Variants in IRF3 observed in about 807,000 individuals in gnomAD.
IRF3 encodes the protein interferon regulatory factor 3.
A neutral mutation model predicts 43.2 loss-of-function variants in IRF3; 29 were observed. That is an observed-to-expected ratio of 0.67 (90% CI 0.50 to 0.91). The LOEUF (loss-of-function observed/expected upper bound fraction) is 0.91. IRF3 is among the 40% of genes least tolerant of loss of function. IRF3 has a pLI of 0.00. For missense variants in IRF3, 505 were observed against 559.1 expected, an observed-to-expected ratio of 0.90 and a Z score of 0.98; for synonymous variants, 228 against 233.9, an observed-to-expected ratio of 0.97 and a Z score of 0.23.
chr19:49,661,172 G>A (rs1181287902), intron 6 of IRF3, among the ~76,000 whole-genome samples: 1 of 152,220 alleles, frequency 6.6e-6, no homozygotes, highest in Non-Finnish European at 1.5e-5. Context: ...CATTAGTCAT[G>A]TAAGGTTATT....
chr19:49,664,681 AT>A lies in IRF3; in HGVS notation c.157del (p.Ile53SerfsTer40). 1 of 1,613,448 alleles carries A rather than the reference AT, an allele frequency of 6.2e-7. No individual in the cohort carries two copies. Among genetic ancestry groups the A allele is most frequent in the Non-Finnish European group, 8.5e-7 (1 of 1,179,570 alleles). ...RQDAQQEDFG[I>X]FQAWAEATGA... Reference sequence around the variant, plus strand: ...CCAGGTCGTCGCACGCACCTGGAAGATTCCGAAATCCTCCTGCTGTGCATCC... The same window carrying A: ...CCAGGTCGTCGCACGCACCTGGAAGATCCGAAATCCTCCTGCTGTGCATCC... On this transcript the variant is annotated frameshift_variant, in exon 2 of 8. Transcript: ENST00000377139. LOFTEE classifies it high-confidence loss of function.
intron 2 of IRF3, 130 bp from the exon 3 acceptor site, chr19:49,663,644 CCCCAAATCCCCCCGT>C (rs1391125062): frequency 1.2e-6 from 1 of 804,014 alleles, no homozygotes; most frequent in Non-Finnish European, 1.9e-6. Context: ...CAAGGTCCAT[CCCCAAATCCCCCCGT>C]CCCACCTACC....
At chr19:49,659,880 G>A (rs752301314) in intron 7 of IRF3, 47 bp from the exon 8 acceptor site, 3 of 1,536,002 alleles carry the variant, frequency 2.0e-6, no homozygotes, top group Non-Finnish European at 2.6e-6. Flanking sequence ...CCCAGCCACT[G>A]TCCACCAAGG....
chr19:49,664,586 C>G, intron 2 of IRF3, 88 bp downstream of exon 2: 3 of 1,610,118 alleles, frequency 1.9e-6, no homozygotes, highest in Non-Finnish European at 2.5e-6. Context: ...TCGCGCGCCA[C>G]CTCCGCCTTC....
At position 49,665,658 on chromosome 19, in the gene IRF3, C is replaced by G. The variant is rs1245357007; in HGVS notation, c.-36G>C. On this transcript the variant is annotated 5_prime_UTR_variant, in exon 1 of 8. Coordinates refer to ENST00000377139, the MANE Select transcript of IRF3 (RefSeq NM_001571.6). ...ACGATGGAAGGTCGGGGCGTGCGGG[C>G]AGCTGGAACCCACCCCTGTCTTGGA... The G allele has an allele frequency of 2.3e-6, 2 of 879,418 alleles. No individual in the cohort carries two copies. The highest frequency in any genetic ancestry group is 5.1e-5 in the East Asian group (2 of 39,138). 54.5% of individuals were successfully genotyped at this position (879,418 alleles called of 1,614,324 possible).
In IRF3 at chr19:49,662,633, A is replaced by C. The variant is rs1183739203; in HGVS notation, c.409-16T>G. The C allele has an allele frequency of 3.9e-6, 6 of 1,525,616 alleles. No individual in the cohort carries two copies. In the Admixed American group the frequency reaches 1.2e-4, roughly 30 times the overall value. 94.5% of individuals were successfully genotyped at this position (1,525,616 alleles called of 1,614,324 possible). A position where few individuals can be genotyped will look rare whatever the true frequency, so the allele number is the denominator to read the frequency against. On this transcript the variant is annotated splice_polypyrimidine_tract_variant and intron_variant, in intron 4 of 7. Transcript: ENST00000377139. The stretch of plus-strand genomic sequence containing the variant: ...GAATGTCTTCCTGGAGGGAAACAAA[A>C]AAAGAGAATCAGGCATTTCCATATC...
rs199714714 is a variant in IRF3 at position 49,659,768 on chromosome 19, C to A, written c.1164G>T (p.Glu388Asp). The stretch of plus-strand genomic sequence containing the variant: ...TGGAAATGTGCAGGTCCACAGTATT[C>A]TCCAGGGAGGAGGCACCCCCTACCC... ...MARVGGASSL[E>D]NTVDLHISNS... Residue 388 changes from glutamate (E) to aspartate (D), a missense_variant, in exon 8 of 8, where the codon GAG (glutamate) becomes GAT (aspartate). Coordinates refer to ENST00000377139, the MANE Select transcript of IRF3 (RefSeq NM_001571.6). 1 of 1,613,348 alleles carries A rather than the reference C, an allele frequency of 6.2e-7. No homozygotes were observed. Among genetic ancestry groups the A allele is most frequent in the East Asian group, 2.2e-5 (1 of 44,856 alleles).
chr19:49,663,924 G>C (rs1429367962), intron 2 of IRF3: 2 of 235,108 alleles, frequency 8.5e-6, no homozygotes, highest in Non-Finnish European at 1.7e-5. Flanking sequence ...TTGAACTCCT[G>C]ACCTCAGGTG....
At chr19:49,663,595 C>T in intron 2 of IRF3, 81 bp from the exon 3 acceptor site, 1 of 1,342,064 alleles carries the variant, frequency 7.5e-7, no homozygotes, top group African/African-American at 1.4e-5. Context: ...TCTCCCGAGT[C>T]CTAACACCAC....
intron 7 of IRF3, 138 bp from the exon 8 acceptor site, chr19:49,659,971 G>A: frequency 2.0e-6 from 1 of 498,106 alleles, no homozygotes; most frequent in Non-Finnish European, 3.1e-6. Context: ...AGGGCTGCTG[G>A]GAGTTGTAGT....
intron 6 of IRF3, chr19:49,661,074 G>A (rs2081306485): frequency 5.9e-6 from 3 of 506,118 alleles, no homozygotes; most frequent in Non-Finnish European, 1.1e-5. Context: ...CCCAGAGTAG[G>A]GGGCCCATGC....
rs1341395213 is a variant in IRF3, at chr19:49,659,783, A to G, written c.1149T>C (p.Gly383=). 1.9e-6 allele frequency: 3 copies of G among 1,610,718 alleles called. No individual in the cohort carries two copies. The highest frequency in any genetic ancestry group is 3.3e-5 in the Admixed American group (2 of 59,714). Reference sequence around the variant, plus strand: ...CCACAGTATTCTCCAGGGAGGAGGCACCCCCTACCCGGGCCATTTCTACCA... The same window carrying G: ...CCACAGTATTCTCCAGGGAGGAGGCGCCCCCTACCCGGGCCATTTCTACCA... ...RALVEMARVG[G]ASSLENTVDL... Residue 383 remains glycine (G), a synonymous_variant, in exon 8 of 8, where the codon GGT becomes GGC. Coordinates refer to ENST00000377139, the MANE Select transcript of IRF3 (RefSeq NM_001571.6).
chr19:49,665,197 A>G (rs1207297989), intron 1 of IRF3: 1 of 256,124 alleles, frequency 3.9e-6, no homozygotes, highest in Non-Finnish European at 7.7e-6. Context: ...ATTTCAGTGC[A>G]GAATCGATTC....
intron 1 of IRF3, 86 bp from the exon 2 acceptor site, chr19:49,664,932 A>C: frequency 8.0e-6 from 11 of 1,379,238 alleles, no homozygotes; most frequent in Non-Finnish European, 9.7e-6. Flanking sequence ...CCTCCTTCTC[A>C]CGGGCCACGG....
chr19:49,663,607 C>T (rs1358084814), intron 2 of IRF3, 93 bp from the exon 3 acceptor site: 5 of 1,248,016 alleles, frequency 4.0e-6, no homozygotes, highest in African/African-American at 1.5e-5. Context: ...TAACACCACC[C>T]TCTTTCCCTG....
chr19:49,660,901 T>C (rs2081295955), intron 6 of IRF3, 73 bp from the exon 7 acceptor site: 1 of 1,517,786 alleles, frequency 6.6e-7, no homozygotes, highest in African/African-American at 1.4e-5. Context: ...ACTTGAATGA[T>C]AACCCCCACC....
intron 7 of IRF3, 92 bp from the exon 8 acceptor site, chr19:49,659,925 C>A (rs1278946319): frequency 5.8e-6 from 8 of 1,384,772 alleles, no homozygotes; most frequent in Non-Finnish European, 7.8e-6. Flanking sequence ...CAACTCCCTG[C>A]AGCCCCTGCT....
intron 7 of IRF3, among the ~76,000 whole-genome samples, 163 bp downstream of exon 7, chr19:49,660,550 A>G (rs902905803): frequency 6.6e-6 from 1 of 152,124 alleles, no homozygotes; most frequent in South Asian, 2.1e-4. Flanking sequence ...TCTGCAGGTG[A>G]GGCCATGGGA....
intron 6 of IRF3, 58 bp from the exon 7 acceptor site, chr19:49,660,886 C>T (rs772612770): frequency 1.6e-5 from 24 of 1,542,224 alleles, no homozygotes; most frequent in African/African-American, 1.1e-4. Flanking sequence ...CACCCTTCCC[C>T]GTAAACTTGA....
Sources: allele counts gnomAD v4.1 joint callset (sites outside exome capture counted in the v4.1 genomes callset), GRCh38; gene constraint gnomAD v4.1.1; transcripts MANE v1.5; gene names NCBI Gene and HGNC (gene_info 2026-07-23, HGNC 2026-07-21).